GBP1: variants seen among roughly 807,000 people sequenced by gnomAD.
GBP1 encodes guanylate binding protein 1.
A neutral mutation model predicts 69.5 loss-of-function variants in GBP1; 64 were observed. That is an observed-to-expected ratio of 0.92 (90% confidence interval 0.75 to 1.13). The LOEUF is 1.13. Ranked by LOEUF, GBP1 falls within the 50% of genes most tolerant of loss-of-function variation. GBP1 has a pLI of 0.00. For synonymous variants in GBP1, 250 were observed against 261.2 expected (o/e 0.96, Z 0.41); for missense variants, 630 against 704.1 (o/e 0.89, Z 1.19).
In GBP1 at chr1:89,052,665, C is replaced by T. The variant is rs1679947454; in HGVS notation, c.*690G>A. Reference sequence around the variant, plus strand: ...TTGGCATTATGTGAATTTGTTTAATCCAGTGTCAATTGTCTAATGGTCTAA... The same window carrying T: ...TTGGCATTATGTGAATTTGTTTAATTCAGTGTCAATTGTCTAATGGTCTAA... On this transcript the variant is annotated 3_prime_UTR_variant, in exon 11 of 11. Coordinates refer to ENST00000370473, the MANE Select transcript of GBP1 (RefSeq NM_002053.3). The T allele has an allele frequency of 6.6e-6, 1 of 152,132 alleles. No homozygotes were observed. Among genetic ancestry groups the T allele is most frequent in the South Asian group, 2.1e-4 (1 of 4,828 alleles). 9.4% of individuals were successfully genotyped at this position (152,132 alleles called of 1,614,324 possible).
At chr1:89,059,067 T>G (rs1288221237) in intron 4 of GBP1, 24 bp from the exon 5 acceptor site, 2 of 1,613,758 alleles carry the variant, frequency 1.2e-6, no homozygotes, top group African/African-American at 2.7e-5. Flanking sequence ...TAAGGAAATG[T>G]GACAAAATGA....
chr1:89,053,494 G>C, intron 10 of GBP1, 26 bp from the exon 11 acceptor site: 4 of 1,608,922 alleles, frequency 2.5e-6, no homozygotes, highest in Non-Finnish European at 3.4e-6. Context: ...CGAAGGCTGA[G>C]TAAAGTGTAG....
chr1:89,058,313 C>T (rs1680097710), intron 5 of GBP1, 79 bp from the exon 6 acceptor site: 1 of 1,243,226 alleles, frequency 8.0e-7, no homozygotes, highest in South Asian at 1.6e-5. Context: ...ATATTTTAGG[C>T]TCTTCAGGCT....
At chr1:89,059,635 G>A in intron 3 of GBP1, among the ~76,000 whole-genome samples, 1 of 150,358 alleles carries the variant, frequency 6.7e-6, no homozygotes, top group Non-Finnish European at 1.5e-5. Flanking sequence ...TTTTCGACGA[G>A]TGTTTTTGGG....
intron 1 of GBP1, among the ~76,000 whole-genome samples, chr1:89,064,710 C>T (rs1405842003): frequency 1.3e-5 from 2 of 152,160 alleles, no homozygotes; most frequent in African/African-American, 4.8e-5. Flanking sequence ...CTCTGCTTCT[C>T]ATTTGCTGTT....
intron 2 of GBP1, among the ~76,000 whole-genome samples, chr1:89,060,569 A>G (rs963938782): frequency 6.6e-6 from 1 of 152,206 alleles, no homozygotes; most frequent in African/African-American, 2.4e-5. Flanking sequence ...AACATAATAA[A>G]TGCCATGTAT....
chr1:89,056,278 G>A (rs1680043564), intron 7 of GBP1, 50 bp from the exon 8 acceptor site: 8 of 1,612,894 alleles, frequency 5.0e-6, no homozygotes, highest in African/African-American at 1.3e-5. Flanking sequence ...AAGGATGTTA[G>A]CTTGACCTCA....
intron 3 of GBP1, 41 bp from the exon 4 acceptor site, chr1:89,059,467 C>T: frequency 1.2e-6 from 2 of 1,606,440 alleles, no homozygotes; most frequent in Non-Finnish European, 1.7e-6. Context: ...CAAGTTTCAT[C>T]ATCGCAGCAC....
chr1:89,052,365 A>T lies in GBP1; in HGVS notation c.*990T>A, dbSNP rs1192560637. The T allele has an allele frequency of 6.6e-6, 1 of 152,216 alleles. No individual in the cohort carries two copies. The highest frequency in any genetic ancestry group is 1.5e-5 in the Non-Finnish European group (1 of 68,030). 9.4% of individuals were successfully genotyped at this position (152,216 alleles called of 1,614,324 possible). A position where few individuals can be genotyped will look rare whatever the true frequency, so the allele number is the denominator to read the frequency against. On this transcript the variant is annotated 3_prime_UTR_variant, in exon 11 of 11. Coordinates refer to ENST00000370473, the MANE Select transcript of GBP1 (RefSeq NM_002053.3). ...TTAATTGCTATAAGAAACATCAACC[A>T]CTTTCCTAGGACTTTTCACACATAA...
At chr1:89,058,321 G>C in intron 5 of GBP1, 87 bp from the exon 6 acceptor site, 1 of 1,154,962 alleles carries the variant, frequency 8.7e-7, no homozygotes, top group South Asian at 1.6e-5. Flanking sequence ...GGCTCTTCAG[G>C]CTGGATGGTC....
chr1:89,061,577 G>A (rs962157265), intron 2 of GBP1, among the ~76,000 whole-genome samples: 5 of 152,058 alleles, frequency 3.3e-5, no homozygotes, highest in African/African-American at 9.7e-5. Flanking sequence ...AAGGGTAAAA[G>A]TTTTATAATA....
At position 89,056,010 on chromosome 1, in the gene GBP1, G is replaced by A; in HGVS notation, c.1368+6C>T. 6.2e-7 allele frequency: 1 copy of A among 1,613,808 alleles called. No individual in the cohort carries two copies. Among genetic ancestry groups the A allele is most frequent in the Non-Finnish European group, 8.5e-7 (1 of 1,179,776 alleles). On this transcript the variant is annotated splice_donor_region_variant and intron_variant, in intron 8 of 10. Coordinates refer to ENST00000370473, the MANE Select transcript of GBP1 (RefSeq NM_002053.3). Reference sequence around the variant, plus strand: ...TTTCCATAATTGACAGATAAATCTTGGTTACCTGTATCCCCTTCCTCGGTT... The same window carrying A: ...TTTCCATAATTGACAGATAAATCTTAGTTACCTGTATCCCCTTCCTCGGTT...
At chr1:89,053,930 T>G (rs971240433) in intron 10 of GBP1, among the ~76,000 whole-genome samples, 1 of 152,216 alleles carries the variant, frequency 6.6e-6, no homozygotes, top group Admixed American at 6.5e-5. Flanking sequence ...TAAATCTAAT[T>G]TCATAGTAGG....
intron 8 of GBP1, chr1:89,055,487 G>A: frequency 2.5e-6 from 1 of 395,782 alleles, no homozygotes; most frequent in South Asian, 2.7e-5. Flanking sequence ...GTTTGGAACT[G>A]TTAATGCTGT....
chr1:89,058,949 A>G lies in GBP1; in HGVS notation c.523T>C (p.Phe175Leu). Residue 175 changes from phenylalanine (F) to leucine (L), a missense_variant, in exon 5 of 11, where the codon TTC becomes CTC. Around this residue, in one of 5 missense-constraint regions of GBP1, gnomAD observed 367 missense variants for 369.5 expected, o/e 0.99. Transcript: ENST00000370473. The part of the protein sequence containing the change: ...VEDSADFVSF[F>L]PDFVWTLRDF... ...CTCAGTGTCCACACAAAGTCTGGGA[A>G]GAAGCTCACAAAGTCAGCTGAATCC... The G allele has an allele frequency of 6.2e-7, 1 of 1,614,208 alleles. No individual in the cohort carries two copies. Among genetic ancestry groups the G allele is most frequent in the Non-Finnish European group, 8.5e-7 (1 of 1,180,044 alleles).
At chr1:89,059,562 A>C in intron 3 of GBP1, 136 bp from the exon 4 acceptor site, 1 of 814,046 alleles carries the variant, frequency 1.2e-6, no homozygotes, top group Non-Finnish European at 1.8e-6. Context: ...TTTAACACTA[A>C]TGACCTATTA....
At chr1:89,055,634 G>A in intron 8 of GBP1, 1 of 360,096 alleles carries the variant, frequency 2.8e-6, no homozygotes, top group Non-Finnish European at 5.2e-6. Context: ...GCCAGTTCAT[G>A]ATGTTACTTG....
rs765135882 is a variant in GBP1, at chr1:89,063,085, G to A, written c.150C>T (p.Gly50=). 6.2e-7 allele frequency: 1 copy of A among 1,614,036 alleles called. No individual in the cohort carries two copies. Among genetic ancestry groups the A allele is most frequent in the Non-Finnish European group, 8.5e-7 (1 of 1,179,966 alleles). The stretch of plus-strand genomic sequence containing the variant: ...CCAGCTTGTTCATCAGGTAGGATTT[G>A]CCTGTGCGGTAGAGGCCCACAATTG... The part of the protein sequence containing the change: ...VVAIVGLYRT[G]KSYLMNKLAG... Residue 50 remains glycine (G), a synonymous_variant, in exon 2 of 11, where the codon GGC becomes GGT. Transcript: ENST00000370473.
chr1:89,059,476 A>G, intron 3 of GBP1, 50 bp from the exon 4 acceptor site: 2 of 1,602,740 alleles, frequency 1.2e-6, no homozygotes, highest in Non-Finnish European at 1.7e-6. Flanking sequence ...TCATCGCAGC[A>G]CTTTTCAGAG....
Sources: gnomAD v4.1 joint callset for allele counts (sites outside exome capture counted in the v4.1 genomes callset) on GRCh38, gnomAD v4.1.1 for gene constraint, gnomAD v4.1.1 regional missense constraint, MANE v1.5 for transcripts, NCBI Gene and HGNC (gene_info 2026-07-23, HGNC 2026-07-21) for gene names.